Variants in C10orf90 observed in about 807,000 individuals in gnomAD.
C10orf90 encodes chromosome 10 open reading frame 90, also known as (E2-independent) E3 ubiquitin-conjugating enzyme FATS.
C10orf90 carries 56 observed loss-of-function variants against 62.5 expected under a neutral mutation model. The observed-to-expected ratio is 0.90, with a 90% CI of 0.72 to 1.12. The LOEUF (loss-of-function observed/expected upper bound fraction) is 1.12, where lower values mean the gene tolerates loss of function less well. Ranked by LOEUF, C10orf90 falls within the 50% of genes most tolerant of loss-of-function variation. C10orf90 has a pLI of 0.00. For synonymous variants in C10orf90, 386 were observed against 340.4 expected (o/e 1.13, Z -1.47); for missense variants, 970 against 880.4 (o/e 1.10, Z -1.29).
chr10:126,483,619 TATAAGGTAATCCTTA>T (rs1361828999), intron 4 of C10orf90, among the ~76,000 whole-genome samples: 1 of 152,246 alleles, frequency 6.6e-6, no homozygotes, highest in Admixed American at 6.5e-5. Flanking sequence ...GATGTATTCT[TATAAGGTAATCCTTA>T]AAAAGGAGGA....
At chr10:126,582,144 G>A (rs539704876) in intron 2 of C10orf90, among the ~76,000 whole-genome samples, 1 of 152,304 alleles carries the variant, frequency 6.6e-6, no homozygotes, top group South Asian at 2.1e-4. Context: ...CTGCTGCCAT[G>A]GCCCCTCCAA....
intron 2 of C10orf90, among the ~76,000 whole-genome samples, chr10:126,626,202 G>C (rs1416261843): frequency 6.6e-6 from 1 of 150,832 alleles, no homozygotes; most frequent in African/African-American, 2.4e-5. Context: ...CCTCTCTTCT[G>C]AACAGAAGGT....
chr10:126,557,141 T>C (rs1046595881), intron 2 of C10orf90, among the ~76,000 whole-genome samples: 7 of 151,720 alleles, frequency 4.6e-5, no homozygotes, highest in Non-Finnish European at 7.4e-5. Flanking sequence ...TCAAGACATA[T>C]GGATGTATAA....
intron 1 of C10orf90, among the ~76,000 whole-genome samples, chr10:126,667,977 T>C (rs1486988484): frequency 6.6e-6 from 1 of 152,174 alleles, no homozygotes; most frequent in Non-Finnish European, 1.5e-5. Flanking sequence ...CAGCAGGCTC[T>C]GCTCCTTGTT....
chr10:126,443,564 A>G (rs1293629987), intron 7 of C10orf90, among the ~76,000 whole-genome samples: 1 of 152,150 alleles, frequency 6.6e-6, no homozygotes, highest in Non-Finnish European at 1.5e-5. Context: ...AGACGGATTC[A>G]CAGATGAATT....
At chr10:126,587,361 G>GAAATTTAT (rs1844893957) in intron 2 of C10orf90, among the ~76,000 whole-genome samples, 1 of 152,194 alleles carries the variant, frequency 6.6e-6, no homozygotes, top group Non-Finnish European at 1.5e-5. Flanking sequence ...ATTTCTTACA[G>GAAATTTAT]TTCTGGAAGC....
intron 1 of C10orf90, among the ~76,000 whole-genome samples, chr10:126,662,908 G>C (rs36081163): frequency 0.011 from 1,564 of 139,132 alleles, 25 homozygotes; most frequent in African/African-American, 0.039. Context: ...CCACAATCTG[G>C]GTAGACACCC....
At chr10:126,646,851 T>A (rs1249673747) in intron 1 of C10orf90, among the ~76,000 whole-genome samples, 1 of 152,132 alleles carries the variant, frequency 6.6e-6, no homozygotes, top group African/African-American at 2.4e-5. Context: ...GATTTCAAAA[T>A]GCACAGGAAA....
At chr10:126,448,787 A>C (rs901436236) in intron 7 of C10orf90, among the ~76,000 whole-genome samples, 3 of 152,216 alleles carry the variant, frequency 2.0e-5, no homozygotes, top group African/African-American at 7.2e-5. Flanking sequence ...TACTAGAAGA[A>C]GTGAATAAAT....
chr10:126,457,680 G>A (rs1212032710), intron 7 of C10orf90, among the ~76,000 whole-genome samples: 1 of 152,112 alleles, frequency 6.6e-6, no homozygotes, highest in Non-Finnish European at 1.5e-5. Flanking sequence ...AGGCTGAGGG[G>A]CCCACACAGC....
intron 2 of C10orf90, among the ~76,000 whole-genome samples, chr10:126,582,495 G>T (rs6597782): frequency 0.58 from 88,795 of 152,096 alleles, 26,200 homozygotes; most frequent in Middle Eastern, 0.65. Context: ...AGACACCAGC[G>T]TTCACTGTGA....
rs144225024 is a variant in C10orf90, at chr10:126,461,489, G to A, written c.1922C>T (p.Pro641Leu). 65 of 1,614,110 alleles carry A rather than the reference G, an allele frequency of 4.0e-5. No individual in the cohort carries two copies. The highest frequency in any genetic ancestry group is 4.8e-5 in the Non-Finnish European group (57 of 1,180,006). Residue 641 changes from proline to leucine, a missense_variant, in exon 6 of 10, where the codon CCA (proline) becomes CTA (leucine). Transcript: ENST00000488181. ...TPEPSPAAPSPAPRDGAGSPG... is the reference protein window; with the variant it reads ...TPEPSPAAPSLAPRDGAGSPG... ...GCTCCCTGCTCCATCGCGGGGTGCT[G>A]GCGAGGGTGCTGCTGGGGAGGGCTC...
intron 2 of C10orf90, among the ~76,000 whole-genome samples, chr10:126,514,557 G>A (rs1863325936): frequency 6.6e-6 from 1 of 152,180 alleles, no homozygotes; most frequent in African/African-American, 2.4e-5. Flanking sequence ...GGAGAACCGG[G>A]ATTCTAGTGC....
intron 2 of C10orf90, among the ~76,000 whole-genome samples, chr10:126,534,381 G>T (rs1864180322): frequency 6.6e-6 from 1 of 152,136 alleles, no homozygotes; most frequent in South Asian, 2.1e-4. Flanking sequence ...TGTTTCTATG[G>T]TGTCAATGCC....
intron 2 of C10orf90, among the ~76,000 whole-genome samples, chr10:126,609,855 G>A (rs1845394632): frequency 6.6e-6 from 1 of 152,204 alleles, no homozygotes; most frequent in Non-Finnish European, 1.5e-5. Flanking sequence ...TGCTGAGCAA[G>A]GGTGTGATGT....
rs1020209480 is a variant in C10orf90 at position 126,505,748 on chromosome 10, A to G, written c.406-663T>C. 3.3e-5 allele frequency among the ~76,000 whole-genome samples: 5 copies of G among 152,168 alleles called. No homozygotes were observed. In the South Asian group the frequency reaches 1.0e-3, roughly 32 times the overall value. On this transcript the variant is annotated intron_variant, in intron 3 of 9. Transcript: ENST00000488181. ...GATGGGCGGATCACCTGAGGTCGTGAGTTTGAGACCAGCCTGACCAACATG... is the reference window on the plus strand; with the variant it reads ...GATGGGCGGATCACCTGAGGTCGTGGGTTTGAGACCAGCCTGACCAACATG...
chr10:126,646,836 T>G (rs757023287), intron 1 of C10orf90, among the ~76,000 whole-genome samples, 199 bp from the exon 2 acceptor site: 9 of 152,186 alleles, frequency 5.9e-5, no homozygotes, highest in Non-Finnish European at 1.0e-4. Context: ...AGGAAGGTTT[T>G]TGAGGATTTC....
intron 2 of C10orf90, among the ~76,000 whole-genome samples, chr10:126,555,908 A>C (rs2133982191): frequency 6.6e-6 from 1 of 152,284 alleles, no homozygotes; most frequent in Admixed American, 6.5e-5. Context: ...ATACTCCGCA[A>C]AGATATCACT....
In C10orf90 at chr10:126,567,897, C is replaced by G. The variant is rs961786890; in HGVS notation, c.314-53958G>C. On this transcript the variant is annotated intron_variant, in intron 2 of 9. Coordinates refer to ENST00000488181, the MANE Select transcript of C10orf90 (RefSeq NM_001350921.2). ...AGGGAAAGATATTTGTAAGATGCGG[C>G]AGGTTTGTATGCTGATGGAAATAAT... 6.6e-5 allele frequency among the ~76,000 whole-genome samples: 10 copies of G among 151,948 alleles called. No homozygotes were observed. The East Asian group carries it at 1.9e-3, about 30-fold the overall frequency.
Sources: allele counts gnomAD v4.1 joint callset (sites outside exome capture counted in the v4.1 genomes callset), GRCh38; gene constraint gnomAD v4.1.1; transcripts MANE v1.5; gene names NCBI Gene and HGNC (gene_info 2026-07-23, HGNC 2026-07-21).